The following CDH8 variants were observed in gnomAD, a reference collection of about 807,000 sequenced individuals.
The protein encoded by CDH8 is cadherin-8.
In CDH8, 17 loss-of-function variants were observed where a neutral mutation model predicts 68.1. That is an observed-to-expected ratio of 0.25 (90% confidence interval 0.17 to 0.37). The LOEUF (loss-of-function observed/expected upper bound fraction) is 0.37, where lower values mean the gene tolerates loss of function less well. CDH8 is among the 10% of genes least tolerant of loss of function. The pLI, the probability that CDH8 is intolerant of heterozygous loss-of-function variation, is 1.00. For synonymous variants in CDH8, 372 were observed against 365.1 expected, an observed-to-expected ratio of 1.02 and a Z score of -0.21; for missense variants, 763 against 999.3, an observed-to-expected ratio of 0.76 and a Z score of 3.19.
At chr16:61,678,311 G>T (rs1158600487) in intron 10 of CDH8, among the ~76,000 whole-genome samples, 1 of 151,982 alleles carries the variant, frequency 6.6e-6, no homozygotes, top group East Asian at 1.9e-4. Context: ...ACGGGTCATT[G>T]GTCATGACCA....
rs1458262704 is a variant in CDH8, at chr16:61,905,282, T to G, written c.253-3809A>C. On this transcript the variant is annotated intron_variant, in intron 2 of 11. Transcript: ENST00000577390. ...CATTCATTCGATAAACCCCATGCTC[T>G]TCTCTGTCTTAGGGAGACACAGACA... 1.3e-5 allele frequency among the ~76,000 whole-genome samples: 2 copies of G among 152,174 alleles called. 1 individual carries two copies. Among genetic ancestry groups the G allele is most frequent in the East Asian group, 3.9e-4 (2 of 5,186 alleles).
intron 3 of CDH8, among the ~76,000 whole-genome samples, chr16:61,876,567 T>C (rs1255684584): frequency 1.3e-5 from 2 of 152,156 alleles, no homozygotes. Flanking sequence ...CTTTAATCCA[T>C]TATCAGGAAG....
intron 2 of CDH8, among the ~76,000 whole-genome samples, chr16:61,950,755 G>A (rs188206357): frequency 6.6e-5 from 10 of 152,180 alleles, no homozygotes; most frequent in Middle Eastern, 3.4e-3. Context: ...AACATGGATG[G>A]GACGGGGGCC....
At chr16:61,902,058 A>T (rs1963984065) in intron 2 of CDH8, among the ~76,000 whole-genome samples, 1 of 151,646 alleles carries the variant, frequency 6.6e-6, no homozygotes, top group African/African-American at 2.4e-5. Flanking sequence ...TAATATATTG[A>T]CTGATATTAA....
At chr16:61,953,565 CAA>C (rs554232989) in intron 2 of CDH8, among the ~76,000 whole-genome samples, 3 of 137,632 alleles carry the variant, frequency 2.2e-5, no homozygotes, top group African/African-American at 2.6e-5. Flanking sequence ...ATTTTTCTTA[CAA>C]AAAAAAAAAA....
intron 8 of CDH8, among the ~76,000 whole-genome samples, chr16:61,781,186 A>G (rs1185918822): frequency 6.6e-6 from 1 of 152,202 alleles, no homozygotes; most frequent in Non-Finnish European, 1.5e-5. Flanking sequence ...CTCAAAAATG[A>G]GTCTTTTGTT....
intron 7 of CDH8, among the ~76,000 whole-genome samples, chr16:61,796,295 T>C (rs983475756): frequency 6.6e-6 from 1 of 152,122 alleles, no homozygotes; most frequent in Non-Finnish European, 1.5e-5. Flanking sequence ...AGAATTGAAG[T>C]TTCTGTTCTA....
intron 2 of CDH8, among the ~76,000 whole-genome samples, chr16:61,912,429 G>T (rs1294860070): frequency 6.6e-6 from 1 of 152,050 alleles, no homozygotes; most frequent in Non-Finnish European, 1.5e-5. Flanking sequence ...CTGCTTCAAA[G>T]AAATCATCAC....
At chr16:61,963,263 C>T (rs1805896601) in intron 2 of CDH8, among the ~76,000 whole-genome samples, 2 of 152,148 alleles carry the variant, frequency 1.3e-5, no homozygotes, top group Admixed American at 6.5e-5. Context: ...ATGTCCCTTC[C>T]ATGTCACCAT....
chr16:62,003,822 A>G (rs1965931959), intron 2 of CDH8, among the ~76,000 whole-genome samples: 1 of 152,206 alleles, frequency 6.6e-6, no homozygotes, highest in African/African-American at 2.4e-5. Context: ...ATTTTATTCT[A>G]CTTTTTCTTC....
chr16:61,956,756 A>G (rs1462059835), intron 2 of CDH8, among the ~76,000 whole-genome samples: 2 of 152,174 alleles, frequency 1.3e-5, no homozygotes, highest in African/African-American at 2.4e-5. Flanking sequence ...CAACTTCAAT[A>G]GTATTTTTAT....
At chr16:61,884,767 C>G (rs1024996898) in intron 3 of CDH8, among the ~76,000 whole-genome samples, 1 of 152,064 alleles carries the variant, frequency 6.6e-6, no homozygotes, top group Non-Finnish European at 1.5e-5. Flanking sequence ...AACCATGTGT[C>G]AATTAACTGC....
intron 2 of CDH8, among the ~76,000 whole-genome samples, chr16:61,947,585 T>A (rs902418521): frequency 1.1e-4 from 16 of 152,150 alleles, no homozygotes; most frequent in Non-Finnish European, 2.4e-4. Flanking sequence ...ACAGTGTAAA[T>A]CTGAGGGAAA....
intron 2 of CDH8, among the ~76,000 whole-genome samples, chr16:61,971,123 C>T (rs12325494): frequency 0.01 from 1,523 of 152,260 alleles, 35 homozygotes; most frequent in African/African-American, 0.035. Flanking sequence ...CTTAACTTCA[C>T]CGCCTATCCC....
At chr16:61,671,961 T>C (rs982620961) in intron 10 of CDH8, among the ~76,000 whole-genome samples, 1 of 152,098 alleles carries the variant, frequency 6.6e-6, no homozygotes, top group Non-Finnish European at 1.5e-5. Flanking sequence ...TTACTGAAAA[T>C]GTAATCTGAT....
rs572129513 is a variant in CDH8, at chr16:61,807,389, G to T, written c.1277+10090C>A. Among the ~76,000 whole-genome samples, 11 of 151,344 alleles carry T rather than the reference G, an allele frequency of 7.3e-5. No homozygotes were observed. The South Asian group carries it at 2.1e-3, about 29-fold the overall frequency. On this transcript the variant is annotated intron_variant, in intron 7 of 11. Transcript: ENST00000577390. ...CTAATGCTAGATGACAAGTTAGTGGGTGCAGCGCACCAGCATGGCACATGT... is the reference window on the plus strand; with the variant it reads ...CTAATGCTAGATGACAAGTTAGTGGTTGCAGCGCACCAGCATGGCACATGT...
rs1367159769 is a variant in CDH8 at position 61,769,052 on chromosome 16, CACAGATT to C, written c.1414+20287_1414+20293del. 1.4e-4 allele frequency among the ~76,000 whole-genome samples: 21 copies of C among 151,688 alleles called. 1 individual carries two copies. Among genetic ancestry groups the C allele is most frequent in the Admixed American group, 1.3e-3 (20 of 15,178 alleles). On this transcript the variant is annotated intron_variant, in intron 8 of 11. Transcript: ENST00000577390. ...ACACACACACACAAGAATATAGAAG[CACAGATT>C]CCATTGGCCATTGAGCTAATGGCTC... is the stretch of plus-strand genomic sequence containing the variant.
chr16:61,938,259 A>T (rs1267589973), intron 2 of CDH8, among the ~76,000 whole-genome samples: 5 of 152,184 alleles, frequency 3.3e-5, no homozygotes, highest in Non-Finnish European at 1.5e-5. Flanking sequence ...AGTCATCCCA[A>T]ATGGCATTTC....
At chr16:61,856,996 T>C in intron 4 of CDH8, 123 bp downstream of exon 4, 1 of 1,148,442 alleles carries the variant, frequency 8.7e-7, no homozygotes, top group Non-Finnish European at 1.3e-6. Context: ...TGTCGCATAT[T>C]CAAATATTAT....
Sources: gnomAD v4.1 joint callset for allele counts (sites outside exome capture counted in the v4.1 genomes callset) on GRCh38, gnomAD v4.1.1 for gene constraint, MANE v1.5 for transcripts, NCBI Gene and HGNC (gene_info 2026-07-23, HGNC 2026-07-21) for gene names.